HAPLN3: variants seen among roughly 807,000 people sequenced by gnomAD.
HAPLN3 encodes the protein hyaluronan and proteoglycan link protein 3, also known as extracellular link domain containing, 1.
In HAPLN3, 28 loss-of-function variants were observed where a neutral mutation model predicts 28.1. The ratio of observed to expected loss-of-function variants is 1.00; its 90% CI spans 0.74 to 1.37. The LOEUF (loss-of-function observed/expected upper bound fraction) is 1.37. HAPLN3 is among the 40% of genes most tolerant of loss of function. HAPLN3 has a pLI of 0.00. For missense variants in HAPLN3, 513 were observed against 504.6 expected (o/e 1.02, Z -0.16); for synonymous variants, 211 against 213.1 (o/e 0.99, Z 0.09).
Position 88,888,531 on chromosome 15 carries a change from T to C in HAPLN3, c.-47-1186A>G, listed in dbSNP as rs189996577. ...AAATATTGTATTCAAATATTTTGTC[T>C]TGATTACTAAGATTTCTAGCAAACT... On this transcript the variant is annotated intron_variant, in intron 1 of 4. Transcript: ENST00000359595. The surrounding 1 kb of genome is among the most constrained non-coding windows in gnomAD (Gnocchi z 4.1). Among the ~76,000 whole-genome samples, 141 of 152,280 alleles carry C rather than the reference T, an allele frequency of 9.3e-4. No individual in the cohort carries two copies. Among genetic ancestry groups the C allele is most frequent in the African/African-American group, 3.2e-3 (134 of 41,546 alleles).
At chr15:88,886,109 G>T (rs1897845793) in intron 2 of HAPLN3, among the ~76,000 whole-genome samples, 1 of 152,048 alleles carries the variant, frequency 6.6e-6, no homozygotes, top group South Asian at 2.1e-4. Flanking sequence ...CAGCATTTTG[G>T]GAGGCTGAGG....
chr15:88,878,376 G>A, intron 4 of HAPLN3, 120 bp from the exon 5 acceptor site: 1 of 886,430 alleles, frequency 1.1e-6, no homozygotes, highest in Non-Finnish European at 1.7e-6. Context: ...CATACTGCAG[G>A]CATCTGCAGA....
chr15:88,888,321 G>T lies in HAPLN3; in HGVS notation c.-47-976C>A, dbSNP rs1292760322. On this transcript the variant is annotated intron_variant, in intron 1 of 4. Transcript: ENST00000359595. The surrounding 1 kb of genome is among the most constrained non-coding windows in gnomAD (Gnocchi z 4.1). ...TTAGCCAGGATGATCTCAATCTCCT[G>T]ACCTAGTGATCAGCCCGCCTCGGCC... Among the ~76,000 whole-genome samples, 1 of 151,944 alleles carries T rather than the reference G, an allele frequency of 6.6e-6. No homozygotes were observed. Among genetic ancestry groups the T allele is most frequent in the African/African-American group, 2.4e-5 (1 of 41,388 alleles).
In HAPLN3 at chr15:88,887,117, G is replaced by C. The variant is rs1897879453; in HGVS notation, c.124+58C>G. ...CTGGAACCCTCAGATCACAGCAAGA[G>C]CCAAGGAGGTCTAGGTCACCCAGGG... On this transcript the variant is annotated intron_variant, in intron 2 of 4. Transcript: ENST00000359595. The C allele has an allele frequency of 5.7e-6, 9 of 1,584,016 alleles. No homozygotes were observed. In the South Asian group the frequency reaches 1.0e-4, roughly 18 times the overall value.
chr15:88,882,132 G>A (rs1412241645), intron 2 of HAPLN3, among the ~76,000 whole-genome samples: 1 of 152,074 alleles, frequency 6.6e-6, no homozygotes, highest in Non-Finnish European at 1.5e-5. Flanking sequence ...GAGACAGGGC[G>A]CCCCAGCTGA....
chr15:88,883,923 C>T (rs898728501), intron 2 of HAPLN3, among the ~76,000 whole-genome samples: 4 of 152,138 alleles, frequency 2.6e-5, no homozygotes, highest in African/African-American at 9.6e-5. Flanking sequence ...ACTAAAAATA[C>T]AAAAATTAGC....
intron 4 of HAPLN3, 74 bp downstream of exon 4, chr15:88,878,893 C>T: frequency 2.1e-6 from 3 of 1,455,282 alleles, no homozygotes; most frequent in African/African-American, 1.4e-5. Flanking sequence ...GGCCAGAGCT[C>T]CCCAGAAGCT....
intron 1 of HAPLN3, chr15:88,893,035 C>T (rs746578756): frequency 1.6e-4 from 235 of 1,451,586 alleles, no homozygotes; most frequent in Non-Finnish European, 2.1e-4. Context: ...GACCTGGGCT[C>T]GGTATTGGAG....
chr15:88,892,846 C>A, intron 1 of HAPLN3: 1 of 1,043,282 alleles, frequency 9.6e-7, no homozygotes, highest in Non-Finnish European at 1.4e-6. Flanking sequence ...CATCCCTGAC[C>A]ACTACCACTG....
intron 4 of HAPLN3, among the ~76,000 whole-genome samples, chr15:88,878,625 T>C (rs1424505746): frequency 1.8e-4 from 28 of 152,248 alleles, no homozygotes; most frequent in Non-Finnish European, 8.8e-5. Flanking sequence ...TTTCTGTTTT[T>C]ACTTGTTCAT....
Position 88,892,867 on chromosome 15 carries a change from T to C in HAPLN3, c.-48+2592A>G, listed in dbSNP as rs563350794. 8.3e-6 allele frequency: 10 copies of C among 1,206,978 alleles called. No homozygotes were observed. The East Asian group carries it at 2.3e-4, about 28-fold the overall frequency. 74.8% of individuals were successfully genotyped at this position (1,206,978 alleles called of 1,614,324 possible). A position where few individuals can be genotyped will look rare whatever the true frequency, so the allele number is the denominator to read the frequency against. The stretch of plus-strand genomic sequence containing the variant: ...TGACCACTACCACTGAGGGGAGGGA[T>C]GGGTAGCCTCTGCTCCCCTACCATG... On this transcript the variant is annotated intron_variant, in intron 1 of 4. Coordinates refer to ENST00000359595, the MANE Select transcript of HAPLN3 (RefSeq NM_178232.4).
At position 88,880,200 on chromosome 15, in the gene HAPLN3, C is replaced by T. The variant is rs1377494498; in HGVS notation, c.494-931G>A. 1 of 995,426 alleles carries T rather than the reference C, an allele frequency of 1.0e-6. No homozygotes were observed. The allele number at this position is 995,426 out of a possible 1,614,324, so 61.7% of individuals were successfully genotyped here. ...CCTGGTTCCACCCCAAATTCCTAGC[C>T]CTTGAAGCCCCGGGAATGGGGTGAG... On this transcript the variant is annotated intron_variant, in intron 3 of 4. Coordinates refer to ENST00000359595, the MANE Select transcript of HAPLN3 (RefSeq NM_178232.4). The surrounding 1 kb of genome is among the most constrained non-coding windows in gnomAD (Gnocchi z 6.0).
chr15:88,879,204 C>A lies in HAPLN3; in HGVS notation c.559G>T (p.Val187Phe). Residue 187 changes from valine (V) to phenylalanine (F), a missense_variant, in exon 4 of 5, where the codon GTC becomes TTC. Physicochemically the swap from Val to Phe is conservative, Grantham distance 50 (BLOSUM62 -1). Transcript: ENST00000359595. The surrounding 1 kb of genome is among the most constrained non-coding windows in gnomAD (Gnocchi z 5.0). The stretch of plus-strand genomic sequence containing the variant: ...ACCACCGCAGCCTGCTCTGCACAGA[C>A]CTGCTGGCCCTCGTGGAAGTTGAAC... ...YQFNFHEGQQ[V>F]CAEQAAVVAS... The A allele has an allele frequency of 1.2e-6, 2 of 1,612,632 alleles. No homozygotes were observed. The highest frequency in any genetic ancestry group is 1.7e-6 in the Non-Finnish European group (2 of 1,179,316).
intron 1 of HAPLN3, among the ~76,000 whole-genome samples, chr15:88,894,451 G>A (rs1898101298): frequency 6.6e-6 from 1 of 152,194 alleles, no homozygotes; most frequent in Non-Finnish European, 1.5e-5. Flanking sequence ...CCAGCAGGAG[G>A]CAGCATCGCC....
At position 88,877,974 on chromosome 15, in the gene HAPLN3, T is replaced by C; in HGVS notation, c.1079A>G (p.His360Arg). Residue 360 changes from histidine to arginine, a missense_variant, in exon 5 of 5, where the codon CAC (histidine) becomes CGC (arginine). Transcript: ENST00000359595. This position sits in a 1 kb window ranked among gnomAD's most constrained non-coding sequence, Gnocchi z 5.1. ...RLYGVYCYRQ[H>R] ...GGCAGGGGAGGGCCCCAGGTCCTAG[T>C]GCTGGCGGTAGCAGTAAACACCGTA... 1.3e-6 allele frequency: 2 copies of C among 1,598,024 alleles called. No homozygotes were observed. Among genetic ancestry groups the C allele is most frequent in the Middle Eastern group, 1.7e-4 (1 of 5,948 alleles).
At chr15:88,878,527 CAG>C (rs1897600273) in intron 4 of HAPLN3, among the ~76,000 whole-genome samples, 1 of 152,230 alleles carries the variant, frequency 6.6e-6, no homozygotes, top group African/African-American at 2.4e-5. Flanking sequence ...CTGGACCAGT[CAG>C]AGTCTCTTGC....
At chr15:88,878,682 C>A (rs1360674645) in intron 4 of HAPLN3, among the ~76,000 whole-genome samples, 6 of 152,208 alleles carry the variant, frequency 3.9e-5, no homozygotes, top group Non-Finnish European at 1.5e-5. Context: ...GTGTTTTATT[C>A]GTCTGTGATT....
intron 1 of HAPLN3, among the ~76,000 whole-genome samples, chr15:88,891,296 T>G (rs1386767495): frequency 2.6e-5 from 4 of 151,588 alleles, no homozygotes; most frequent in African/African-American, 9.7e-5. Context: ...CTCATTTATT[T>G]TATTTTTGTT....
intron 2 of HAPLN3, among the ~76,000 whole-genome samples, chr15:88,883,393 A>G (rs1337642518): frequency 1.3e-5 from 2 of 152,236 alleles, no homozygotes; most frequent in East Asian, 3.9e-4. Flanking sequence ...TGTGTAATCC[A>G]GGGAAGTCAA....
Sources: gnomAD v4.1 joint callset for allele counts (sites outside exome capture counted in the v4.1 genomes callset) on GRCh38, gnomAD v4.1.1 for gene constraint, Gnocchi (gnomAD v3.1) non-coding constraint, MANE v1.5 for transcripts, NCBI Gene and HGNC (gene_info 2026-07-23, HGNC 2026-07-21) for gene names.